Variants in SLC5A4 observed in about 807,000 individuals in gnomAD.
SLC5A4 encodes probable glucose sensor protein SLC5A4.
Under a neutral mutation model 70.3 loss-of-function variants are expected in SLC5A4, and 55 were observed. The observed-to-expected ratio is 0.78, with a 90% CI of 0.63 to 0.98. The LOEUF (loss-of-function observed/expected upper bound fraction) is 0.98, where lower values mean the gene tolerates loss of function less well. Ranked by LOEUF, SLC5A4 falls within the 50% of genes least tolerant of loss-of-function variation. SLC5A4 has a pLI of 0.00. For synonymous variants in SLC5A4, 268 were observed against 305.7 expected, an observed-to-expected ratio of 0.88 and a Z score of 1.29; for missense variants, 735 against 839.2, an observed-to-expected ratio of 0.88 and a Z score of 1.53.
intron 11 of SLC5A4, among the ~76,000 whole-genome samples, chr22:32,226,035 A>G (rs1292825309): frequency 1.3e-5 from 2 of 152,254 alleles, no homozygotes; most frequent in Non-Finnish European, 2.9e-5. Context: ...TAATCATAAT[A>G]GCTTCATCTA....
the SLC5A4 span, among the ~76,000 whole-genome samples, chr22:32,354,598 G>C: frequency 6.6e-6 from 1 of 151,390 alleles, no homozygotes; most frequent in East Asian, 2.0e-4. Flanking sequence ...AGTGCCCCCA[G>C]AACTCCCCAC....
the SLC5A4 span, among the ~76,000 whole-genome samples, chr22:32,343,801 A>C: frequency 6.6e-6 from 1 of 152,300 alleles, no homozygotes; most frequent in Non-Finnish European, 1.5e-5. Context: ...TGCTAATACA[A>C]CTTTTCTACT....
chr22:32,306,876 G>A, the SLC5A4 span, among the ~76,000 whole-genome samples: 5 of 151,208 alleles, frequency 3.3e-5, no homozygotes, highest in Admixed American at 3.3e-4. Context: ...AAGAAACTGG[G>A]TATGAGAAAC....
the SLC5A4 span, among the ~76,000 whole-genome samples, chr22:32,311,309 A>AG: frequency 6.6e-6 from 1 of 152,196 alleles, no homozygotes; most frequent in African/African-American, 2.4e-5. Flanking sequence ...TGAGAACACT[A>AG]GGTCTGATGA....
chr22:32,260,521 C>CAA, the SLC5A4 span, among the ~76,000 whole-genome samples: 1 of 146,980 alleles, frequency 6.8e-6, no homozygotes, highest in African/African-American at 2.6e-5. Flanking sequence ...AAAAAAAAAA[C>CAA]AAAACCAAAA....
At chr22:32,239,949 G>T (rs1018614657) in intron 5 of SLC5A4, among the ~76,000 whole-genome samples, 2 of 148,078 alleles carry the variant, frequency 1.4e-5, no homozygotes, top group African/African-American at 5.0e-5. Context: ...GTGTGAACCT[G>T]GGAGGCGGAG....
upstream of SLC5A4, among the ~76,000 whole-genome samples, chr22:32,258,204 G>T (rs2145714862): frequency 6.6e-6 from 1 of 152,252 alleles, no homozygotes; most frequent in East Asian, 1.9e-4. Context: ...GGCCAGGCTG[G>T]TCCTGAACTC....
At chr22:32,245,711 A>T (rs1052347348) in intron 5 of SLC5A4, among the ~76,000 whole-genome samples, 5 of 152,114 alleles carry the variant, frequency 3.3e-5, no homozygotes, top group African/African-American at 1.2e-4. Flanking sequence ...AGTAGAGACG[A>T]GGTTTCACCA....
the SLC5A4 span, among the ~76,000 whole-genome samples, chr22:32,279,599 T>TG: frequency 6.6e-6 from 1 of 152,188 alleles, no homozygotes; most frequent in Non-Finnish European, 1.5e-5. Flanking sequence ...AAGACCAGCC[T>TG]GGCCAACACG....
chr22:32,258,094 T>G (rs1278900430), upstream of SLC5A4, among the ~76,000 whole-genome samples: 1 of 152,100 alleles, frequency 6.6e-6, no homozygotes, highest in African/African-American at 2.4e-5. Flanking sequence ...CAAGTGATTC[T>G]TCTCCTGCCT....
the SLC5A4 span, among the ~76,000 whole-genome samples, chr22:32,354,034 C>A: frequency 6.6e-6 from 1 of 151,254 alleles, no homozygotes; most frequent in Non-Finnish European, 1.5e-5. Flanking sequence ...AGGTAGCCCC[C>A]GATAGCGCAC....
chr22:32,233,302 CCT>C (rs1369452232), intron 8 of SLC5A4, among the ~76,000 whole-genome samples: 1 of 152,088 alleles, frequency 6.6e-6, no homozygotes, highest in Non-Finnish European at 1.5e-5. Flanking sequence ...ACAACGAAGC[CCT>C]GTCATTTGCA....
At chr22:32,309,416 G>A in the SLC5A4 span, among the ~76,000 whole-genome samples, 2 of 152,114 alleles carry the variant, frequency 1.3e-5, no homozygotes, top group Non-Finnish European at 2.9e-5. Flanking sequence ...ATGGACAGAA[G>A]CTCACAGCAA....
At chr22:32,252,816 G>A (rs74593663) in intron 2 of SLC5A4, among the ~76,000 whole-genome samples, 1,568 of 152,134 alleles carry the variant, frequency 0.01, 8 homozygotes, top group South Asian at 0.027. Context: ...TCATCCCCTC[G>A]CCATTACAGT....
At chr22:32,329,629 TGGAG>T in the SLC5A4 span, among the ~76,000 whole-genome samples, 9 of 79,834 alleles carry the variant, frequency 1.1e-4, no homozygotes, top group African/African-American at 4.6e-4. Flanking sequence ...GTGTGTGTGT[TGGAG>T]GGCTCTGGGG....
the SLC5A4 span, among the ~76,000 whole-genome samples, chr22:32,342,373 G>C: frequency 1.2e-4 from 19 of 152,018 alleles, no homozygotes; most frequent in Admixed American, 2.6e-4. Context: ...AGCAAATCTT[G>C]ACAATAATCA....
rs1232006339 is a variant in SLC5A4 at position 32,239,551 on chromosome 22, TA to T, written c.478-462del. Among the ~76,000 whole-genome samples the T allele has an allele frequency of 7.3e-3, 109 of 14,944 alleles. 6 individuals are homozygous for T. Among genetic ancestry groups the T allele is most frequent in the African/African-American group, 0.049 (80 of 1,632 alleles). 9.8% of individuals were successfully genotyped at this position (14,944 alleles called of 152,430 possible). A position where few individuals can be genotyped will look rare whatever the true frequency, so the allele number is the denominator to read the frequency against. The stretch of plus-strand genomic sequence containing the variant: ...ATATATATATATATATATATATATA[TA>T]TATATATATATATATATTTATATAT... On this transcript the variant is annotated intron_variant, in intron 5 of 14. Transcript: ENST00000266086.
intron 7 of SLC5A4, among the ~76,000 whole-genome samples, chr22:32,235,649 G>GT (rs1463387334): frequency 6.6e-6 from 1 of 151,496 alleles, no homozygotes; most frequent in African/African-American, 2.5e-5. Flanking sequence ...CAGGTTAGAC[G>GT]TGACAAGAGA....
chr22:32,275,335 T>C, the SLC5A4 span, among the ~76,000 whole-genome samples: 3 of 152,224 alleles, frequency 2.0e-5, no homozygotes, highest in Admixed American at 2.0e-4. Context: ...TAACTCGTCA[T>C]TTAGCATTAG....
Sources: allele counts gnomAD v4.1 joint callset (sites outside exome capture counted in the v4.1 genomes callset), GRCh38; gene constraint gnomAD v4.1.1; transcripts MANE v1.5; gene names NCBI Gene and HGNC (gene_info 2026-07-23, HGNC 2026-07-21).